APLN: variants seen among roughly 807,000 people sequenced by gnomAD.
APLN encodes AGTRL1 ligand.
In APLN, 2 loss-of-function variants were observed where a neutral mutation model predicts 4.3. The ratio of observed to expected loss-of-function variants is 0.46; its 90% CI spans 0.19 to 1.45. The LOEUF (loss-of-function observed/expected upper bound fraction) is 1.45. APLN is among the 40% of genes most tolerant of loss of function. The probability of loss-of-function intolerance (pLI) is 0.25; values close to 1 mark genes in which losing one functional copy is unlikely to be tolerated. For synonymous variants in APLN, 34 were observed against 30.4 expected, an observed-to-expected ratio of 1.12 and a Z score of -0.38; for missense variants, 80 against 70.0, an observed-to-expected ratio of 1.14 and a Z score of -0.51.
rs781371085 is a variant in APLN at position 129,648,672 on chromosome X, C to T, written c.188G>A (p.Arg63His). ...GPWQGGRRKF[R>H]RQRPRLSHKG... ...ATGGGAGAGGCGGGGCCGCTGGCGG[C>T]GGAATTTCCTCCGACCTCCCTGCCA... Residue 63 changes from arginine to histidine, a missense_variant, in exon 2 of 3, where the codon CGC (arginine) becomes CAC (histidine). Coordinates refer to ENST00000429967, the MANE Select transcript of APLN (RefSeq NM_017413.5). The T allele has an allele frequency of 5.9e-6, 7 of 1,192,387 alleles. No homozygotes were observed. The highest frequency in any genetic ancestry group is 4.6e-5 in the Admixed American group (2 of 43,677).
In APLN at chrX:129,647,547, C is replaced by T; in HGVS notation, c.*376G>A. 1 of 902,509 alleles carries T rather than the reference C, an allele frequency of 1.1e-6. No individual in the cohort carries two copies. The highest frequency in any genetic ancestry group is 1.4e-6 in the Non-Finnish European group (1 of 700,124). The allele number at this position is 902,509 out of a possible 1,213,427, so 74.4% of individuals were successfully genotyped here. A position where few individuals can be genotyped will look rare whatever the true frequency, so the allele number is the denominator to read the frequency against. On this transcript the variant is annotated 3_prime_UTR_variant, in exon 3 of 3. Coordinates refer to ENST00000429967, the MANE Select transcript of APLN (RefSeq NM_017413.5). ...GCCCACAGAAGGGAGCACTTCCACC[C>T]CGCGCTCAGGGCAGACATGAGGAAG...
chrX:129,645,324 A>G lies in APLN; in HGVS notation c.*2599T>C, dbSNP rs1320503941. The G allele has an allele frequency of 8.9e-6, 1 of 112,664 alleles. No individual in the cohort carries two copies. The highest frequency in any genetic ancestry group is 3.2e-5 in the African/African-American group (1 of 30,967). 9.3% of individuals were successfully genotyped at this position (112,664 alleles called of 1,213,427 possible). ...ATTCATCAAGCAACTCTACTTTGTG[A>G]AACATAAAATGATACAAACAAAGTC... is the stretch of plus-strand genomic sequence containing the variant. On this transcript the variant is annotated 3_prime_UTR_variant, in exon 3 of 3. Transcript: ENST00000429967.
At chrX:129,649,687 C>A (rs1236677847) in intron 1 of APLN, among the ~76,000 whole-genome samples, 3 of 111,813 alleles carry the variant, frequency 2.7e-5, no homozygotes. Context: ...CTGAAATTCC[C>A]AGATCACACC....
In APLN at chrX:129,645,732, G is replaced by A. The variant is rs1307756212; in HGVS notation, c.*2191C>T. On this transcript the variant is annotated 3_prime_UTR_variant, in exon 3 of 3. Transcript: ENST00000429967. ...TACCTCCCTGCACGTGCAATATGTG[G>A]GCATGGGGACACCCATGACCCCCAG... is the stretch of plus-strand genomic sequence containing the variant. 1 of 112,119 alleles carries A rather than the reference G, an allele frequency of 8.9e-6. No homozygotes were observed. Among genetic ancestry groups the A allele is most frequent in the African/African-American group, 3.3e-5 (1 of 30,720 alleles). The allele number at this position is 112,119 out of a possible 1,213,427, so 9.2% of individuals were successfully genotyped here.
Position 129,649,074 on chromosome X carries a change from C to T in APLN, c.68-282G>A, listed in dbSNP as rs1218505623. 2.5e-4 allele frequency among the ~76,000 whole-genome samples: 28 copies of T among 111,405 alleles called. No homozygotes were observed. In the Admixed American group the frequency reaches 2.6e-3, roughly 10 times the overall value. On this transcript the variant is annotated intron_variant, in intron 1 of 2. Transcript: ENST00000429967. Reference sequence around the variant, plus strand: ...GCACAAGTGGGTTCTTTCTTTGGAACGTCATTGGGGGGTGTGCACTTTGGG... The same window carrying T: ...GCACAAGTGGGTTCTTTCTTTGGAATGTCATTGGGGGGTGTGCACTTTGGG...
At chrX:129,651,844 G>A (rs1936980554) in intron 1 of APLN, among the ~76,000 whole-genome samples, 2 of 111,889 alleles carry the variant, frequency 1.8e-5, no homozygotes, top group Admixed American at 9.4e-5. Context: ...GGACCCTGCT[G>A]GCAATGCCCC....
intron 1 of APLN, among the ~76,000 whole-genome samples, chrX:129,651,201 C>A (rs758453239): frequency 1.8e-5 from 2 of 111,149 alleles, no homozygotes; most frequent in African/African-American, 3.3e-5. Flanking sequence ...TCTGAGCTGA[C>A]TGAACCCCCA....
chrX:129,654,756 G>A lies in APLN; in HGVS notation c.-126C>T, dbSNP rs1009238015. ...GGGCGCAGAGCTCGGGAGGCTCCCCGGCCGCTGAGTGTGCGCGCTGAGCCC... is the reference window on the plus strand; with the variant it reads ...GGGCGCAGAGCTCGGGAGGCTCCCCAGCCGCTGAGTGTGCGCGCTGAGCCC... On this transcript the variant is annotated 5_prime_UTR_variant, in exon 1 of 3. Coordinates refer to ENST00000429967, the MANE Select transcript of APLN (RefSeq NM_017413.5). 18 of 377,915 alleles carry A rather than the reference G, an allele frequency of 4.8e-5. No individual in the cohort carries two copies. The highest frequency in any genetic ancestry group is 6.6e-5 in the Non-Finnish European group (17 of 258,563). The allele number at this position is 377,915 out of a possible 1,213,427, so 31.1% of individuals were successfully genotyped here. A position where few individuals can be genotyped will look rare whatever the true frequency, so the allele number is the denominator to read the frequency against.
Position 129,645,925 on chromosome X carries a change from A to G in APLN, c.*1998T>C, listed in dbSNP as rs1293743999. On this transcript the variant is annotated 3_prime_UTR_variant, in exon 3 of 3. Coordinates refer to ENST00000429967, the MANE Select transcript of APLN (RefSeq NM_017413.5). ...ACAGGGCCTTAATATCTTTGTATAA[A>G]TTAGTATAAGAATCATAAACAACCA... 2 of 112,778 alleles carry G rather than the reference A, an allele frequency of 1.8e-5. No homozygotes were observed. Among genetic ancestry groups the G allele is most frequent in the Non-Finnish European group, 3.8e-5 (2 of 53,297 alleles). The allele number at this position is 112,778 out of a possible 1,213,427, so 9.3% of individuals were successfully genotyped here.
Position 129,645,777 on chromosome X carries a change from T to G in APLN, c.*2146A>C, listed in dbSNP as rs758458238. 1.8e-5 allele frequency: 2 copies of G among 112,765 alleles called. No homozygotes were observed. Among genetic ancestry groups the G allele is most frequent in the South Asian group, 7.4e-4 (2 of 2,707 alleles). The allele number at this position is 112,765 out of a possible 1,213,427, so 9.3% of individuals were successfully genotyped here. A position where few individuals can be genotyped will look rare whatever the true frequency, so the allele number is the denominator to read the frequency against. On this transcript the variant is annotated 3_prime_UTR_variant, in exon 3 of 3. Coordinates refer to ENST00000429967, the MANE Select transcript of APLN (RefSeq NM_017413.5). The stretch of plus-strand genomic sequence containing the variant: ...CCCCAGGGGAAAGGAATGCCCCTCC[T>G]GAACATGACCTCCAAGAGTAAGGGC...
In APLN at chrX:129,645,765, G is replaced by T. The variant is rs1017293283; in HGVS notation, c.*2158C>A. 8.9e-6 allele frequency: 1 copy of T among 112,475 alleles called. No homozygotes were observed. Among genetic ancestry groups the T allele is most frequent in the Non-Finnish European group, 1.9e-5 (1 of 53,225 alleles). The allele number at this position is 112,475 out of a possible 1,213,427, so 9.3% of individuals were successfully genotyped here. On this transcript the variant is annotated 3_prime_UTR_variant, in exon 3 of 3. Coordinates refer to ENST00000429967, the MANE Select transcript of APLN (RefSeq NM_017413.5). Reference sequence around the variant, plus strand: ...GACACCCATGACCCCCAGGGGAAAGGAATGCCCCTCCTGAACATGACCTCC... The same window carrying T: ...GACACCCATGACCCCCAGGGGAAAGTAATGCCCCTCCTGAACATGACCTCC...
chrX:129,651,958 C>T (rs1195172736), intron 1 of APLN, among the ~76,000 whole-genome samples: 1 of 111,806 alleles, frequency 8.9e-6, no homozygotes, highest in East Asian at 2.8e-4. Context: ...GCTTTGCTGC[C>T]CTGGGATACA....
rs1348844854 is a variant in APLN, at chrX:129,645,628, C to T, written c.*2295G>A. On this transcript the variant is annotated 3_prime_UTR_variant, in exon 3 of 3. Coordinates refer to ENST00000429967, the MANE Select transcript of APLN (RefSeq NM_017413.5). ...GATTTTATGTGACCTGGTCATTAAG[C>T]ATAGGGATTCATTTTGTGAGCTCAT... 8.9e-6 allele frequency: 1 copy of T among 112,264 alleles called. No homozygotes were observed. Among genetic ancestry groups the T allele is most frequent in the Non-Finnish European group, 1.9e-5 (1 of 53,192 alleles). 9.3% of individuals were successfully genotyped at this position (112,264 alleles called of 1,213,427 possible).
chrX:129,647,789 G>C lies in APLN; in HGVS notation c.*134C>G. On this transcript the variant is annotated 3_prime_UTR_variant, in exon 3 of 3. Transcript: ENST00000429967. ...TGGGGGAAGCAGGCAGGTGAGAAGA[G>C]CTGGGCCCACTGGTGGCTACAGCAG... The C allele has an allele frequency of 2.0e-6, 2 of 983,276 alleles. No homozygotes were observed. The highest frequency in any genetic ancestry group is 2.6e-6 in the Non-Finnish European group (2 of 756,158). 81.0% of individuals were successfully genotyped at this position (983,276 alleles called of 1,213,427 possible).
chrX:129,647,976 C>A, intron 2 of APLN, 59 bp from the exon 3 acceptor site: 1 of 969,647 alleles, frequency 1.0e-6, no homozygotes, highest in South Asian at 2.0e-5. Flanking sequence ...CAAAGGAACT[C>A]CCCAGGAAAG....
chrX:129,654,362 C>T (rs1936995331), intron 1 of APLN, among the ~76,000 whole-genome samples: 2 of 113,308 alleles, frequency 1.8e-5, no homozygotes, highest in Admixed American at 9.2e-5. Flanking sequence ...CCGAGTTGAG[C>T]CCCGCAAAAG....
rs1602850190 is a variant in APLN, at chrX:129,647,690, G to A, written c.*233C>T. On this transcript the variant is annotated 3_prime_UTR_variant, in exon 3 of 3. Transcript: ENST00000429967. ...GGTCTCCAAAGTCAGTCCAGGGAGG[G>A]GCCAGGAAGATGGACTGGACGGATT... is the stretch of plus-strand genomic sequence containing the variant. 5.1e-6 allele frequency: 5 copies of A among 983,110 alleles called. No individual in the cohort carries two copies. The highest frequency in any genetic ancestry group is 2.0e-5 in the African/African-American group (1 of 50,684). The allele number at this position is 983,110 out of a possible 1,213,427, so 81.0% of individuals were successfully genotyped here. A position where few individuals can be genotyped will look rare whatever the true frequency, so the allele number is the denominator to read the frequency against.
intron 1 of APLN, among the ~76,000 whole-genome samples, chrX:129,649,590 A>G (rs909657): frequency 0.3 from 33,730 of 110,769 alleles, 7,534 homozygotes; most frequent in African/African-American, 0.76. Flanking sequence ...GAATAAATGA[A>G]ACAATGGTCA....
intron 1 of APLN, among the ~76,000 whole-genome samples, chrX:129,651,123 A>T (rs925565098): frequency 2.1e-5 from 2 of 95,184 alleles, no homozygotes; most frequent in Admixed American, 1.1e-4. Context: ...ATATGTCAGG[A>T]TGGGGAGCAG....
Sources: allele counts gnomAD v4.1 joint callset (sites outside exome capture counted in the v4.1 genomes callset), GRCh38; gene constraint gnomAD v4.1.1; transcripts MANE v1.5; gene names NCBI Gene and HGNC (gene_info 2026-07-23, HGNC 2026-07-21).